NTRK2: variants seen among roughly 807,000 people sequenced by gnomAD.
NTRK2 encodes the protein BDNF/NT-3 growth factors receptor.
In NTRK2, 13 loss-of-function variants were observed where a neutral mutation model predicts 94.5. The ratio of observed to expected loss-of-function variants is 0.14; its 90% CI spans 0.09 to 0.22. The LOEUF (loss-of-function observed/expected upper bound fraction) is 0.22. Among genes scored for constraint, NTRK2 ranks in the 10% least tolerant of loss-of-function variants. The pLI is 1.00. For missense variants in NTRK2, 639 were observed against 1,071.2 expected (o/e 0.60, Z 5.63); for synonymous variants, 372 against 407.4 (o/e 0.91, Z 1.05).
At chr9:84,791,583 C>T (rs2068740155) in intron 12 of NTRK2, among the ~76,000 whole-genome samples, 1 of 152,116 alleles carries the variant, frequency 6.6e-6, no homozygotes, top group African/African-American at 2.4e-5. Flanking sequence ...CATGTGGTTT[C>T]CAGTCAAAAT....
At chr9:84,683,164 G>T (rs1412899014) in intron 2 of NTRK2, among the ~76,000 whole-genome samples, 1 of 152,148 alleles carries the variant, frequency 6.6e-6, no homozygotes, top group Non-Finnish European at 1.5e-5. Flanking sequence ...ATTTGTGTGT[G>T]TGTGTGTGTT....
intron 12 of NTRK2, among the ~76,000 whole-genome samples, chr9:84,793,854 A>G (rs2068985820): frequency 1.3e-5 from 2 of 152,220 alleles, no homozygotes; most frequent in Non-Finnish European, 2.9e-5. Context: ...AGCCACGTCC[A>G]TTTGTTTACA....
chr9:84,821,884 T>G (rs900415326), intron 12 of NTRK2, among the ~76,000 whole-genome samples: 6 of 152,116 alleles, frequency 3.9e-5, no homozygotes, highest in Non-Finnish European at 8.8e-5. Context: ...CTGTGTTCTT[T>G]CTTTTCTTGG....
intron 17 of NTRK2, among the ~76,000 whole-genome samples, chr9:84,972,076 AG>A (rs982635805): frequency 6.6e-6 from 1 of 152,186 alleles, no homozygotes. Context: ...AAACATTCAT[AG>A]GGGGGTATCC....
At chr9:84,905,407 A>G (rs2077043856) in intron 14 of NTRK2, among the ~76,000 whole-genome samples, 1 of 152,144 alleles carries the variant, frequency 6.6e-6, no homozygotes, top group Non-Finnish European at 1.5e-5. Flanking sequence ...TTTCTGCTTC[A>G]CCTGAAGGAT....
intron 12 of NTRK2, among the ~76,000 whole-genome samples, chr9:84,781,325 A>G (rs1260669481): frequency 6.6e-6 from 1 of 152,118 alleles, no homozygotes; most frequent in Non-Finnish European, 1.5e-5. Flanking sequence ...ATTAATTTCT[A>G]CTTACAGCTG....
chr9:84,925,198 C>CTT (rs1220898347), intron 14 of NTRK2, among the ~76,000 whole-genome samples: 3 of 140,838 alleles, frequency 2.1e-5, no homozygotes, highest in African/African-American at 5.3e-5. Context: ...CTCTTCTCTT[C>CTT]TTCTTTTTTT....
intron 14 of NTRK2, among the ~76,000 whole-genome samples, chr9:84,882,707 T>C (rs1394968546): frequency 1.3e-5 from 2 of 149,002 alleles, no homozygotes; most frequent in African/African-American, 5.1e-5. Flanking sequence ...AGTGTGTGTG[T>C]GTGTGTGTGT....
chr9:84,810,163 T>C (rs1171642757), intron 12 of NTRK2, among the ~76,000 whole-genome samples: 1 of 152,198 alleles, frequency 6.6e-6, no homozygotes, highest in African/African-American at 2.4e-5. Flanking sequence ...TACTTTTGCA[T>C]GAACCTATAT....
At chr9:84,728,479 T>C (rs1463281270) in intron 9 of NTRK2, among the ~76,000 whole-genome samples, 3 of 152,214 alleles carry the variant, frequency 2.0e-5, no homozygotes, top group African/African-American at 7.2e-5. Flanking sequence ...TTGCAAGTAT[T>C]TAATGAGATT....
At chr9:84,824,996 T>G (rs4877882) in intron 12 of NTRK2, among the ~76,000 whole-genome samples, 8,891 of 151,936 alleles carry the variant, frequency 0.059, 341 homozygotes, top group African/African-American at 0.093. Context: ...GATCAGTTTT[T>G]TTTTTTTTTT....
At chr9:84,849,087 T>C (rs1319568345) in intron 12 of NTRK2, among the ~76,000 whole-genome samples, 1 of 152,218 alleles carries the variant, frequency 6.6e-6, no homozygotes, top group East Asian at 1.9e-4. Flanking sequence ...TAGATGAGGC[T>C]GCTTTGCAAT....
chr9:84,920,158 C>T (rs899005940), intron 14 of NTRK2, among the ~76,000 whole-genome samples: 6 of 152,192 alleles, frequency 3.9e-5, no homozygotes, highest in Non-Finnish European at 7.3e-5. Context: ...AAGGATCTCA[C>T]TCCTGTTCAT....
At chr9:84,775,510 G>A (rs143298084) in intron 12 of NTRK2, among the ~76,000 whole-genome samples, 12 of 152,160 alleles carry the variant, frequency 7.9e-5, no homozygotes, top group Admixed American at 1.3e-4. Context: ...GACTCTTGGC[G>A]TAACCTAGGA....
intron 2 of NTRK2, among the ~76,000 whole-genome samples, chr9:84,699,314 G>A (rs2060578560): frequency 6.6e-6 from 1 of 152,154 alleles, no homozygotes; most frequent in African/African-American, 2.4e-5. Flanking sequence ...AGGATTACAG[G>A]CGTGAGGCAC....
At chr9:84,995,816 A>T (rs952498100) in intron 17 of NTRK2, among the ~76,000 whole-genome samples, 3 of 152,246 alleles carry the variant, frequency 2.0e-5, no homozygotes, top group African/African-American at 7.2e-5. Context: ...TTAGGCTAAC[A>T]ATTCCAGATG....
At chr9:84,948,295 T>C (rs1223087029) in intron 15 of NTRK2, among the ~76,000 whole-genome samples, 167 bp from the exon 16 acceptor site, 1 of 152,188 alleles carries the variant, frequency 6.6e-6, no homozygotes, top group Non-Finnish European at 1.5e-5. Context: ...CTGGAAAGCT[T>C]TGCATATGCC....
intron 14 of NTRK2, among the ~76,000 whole-genome samples, chr9:84,930,071 G>A (rs1477732484): frequency 1.3e-5 from 2 of 152,192 alleles, no homozygotes; most frequent in Non-Finnish European, 2.9e-5. Flanking sequence ...TGTCCACAGA[G>A]CCCTTCAAGA....
chr9:84,703,004 C>T (rs925967087), intron 4 of NTRK2, among the ~76,000 whole-genome samples: 10 of 152,126 alleles, frequency 6.6e-5, no homozygotes, highest in South Asian at 2.1e-4. Flanking sequence ...TGAAGTCAAA[C>T]GGAAATATGG....
Sources: gnomAD v4.1 joint callset for allele counts (sites outside exome capture counted in the v4.1 genomes callset) on GRCh38, gnomAD v4.1.1 for gene constraint, MANE v1.5 for transcripts, NCBI Gene and HGNC (gene_info 2026-07-23, HGNC 2026-07-21) for gene names.